Variants in TASP1 observed in about 807,000 individuals in gnomAD.
The protein encoded by TASP1 is taspase 1, also known as threonine aspartase 1.
TASP1 carries 16 observed loss-of-function variants against 56.6 expected under a neutral mutation model. The observed-to-expected ratio is 0.28, with a 90% CI of 0.19 to 0.43. The LOEUF is 0.43. Among genes scored for constraint, TASP1 ranks in the 20% least tolerant of loss-of-function variants. TASP1 has a pLI of 1.00. For synonymous variants in TASP1, 179 were observed against 184.2 expected (o/e 0.97, Z 0.23); for missense variants, 393 against 511.6 (o/e 0.77, Z 2.24).
At chr20:13,525,062 G>C (rs1264312485) in intron 10 of TASP1, among the ~76,000 whole-genome samples, 1 of 152,126 alleles carries the variant, frequency 6.6e-6, no homozygotes, top group African/African-American at 2.4e-5. Flanking sequence ...CATGCATTAA[G>C]TGATGAGAAG....
intron 10 of TASP1, among the ~76,000 whole-genome samples, chr20:13,484,818 A>C (rs2043266290): frequency 6.6e-6 from 1 of 152,056 alleles, no homozygotes; most frequent in Non-Finnish European, 1.5e-5. Context: ...GGATGAGTTC[A>C]TGTCCTTTGC....
the TASP1 span, among the ~76,000 whole-genome samples, chr20:13,335,322 A>G: frequency 2.4e-5 from 3 of 126,158 alleles, no homozygotes; most frequent in Admixed American, 2.6e-4. Flanking sequence ...CCCCTCACCT[A>G]TGCACACACA....
chr20:13,419,864 C>T (rs79327637), intron 12 of TASP1, among the ~76,000 whole-genome samples: 2,704 of 152,300 alleles, frequency 0.018, 76 homozygotes, highest in African/African-American at 0.059. Context: ...GGAAAAGTGT[C>T]ACGCAATGAA....
Position 13,588,346 on chromosome 20 carries a change from A to AAGGT in TASP1, c.283-980_283-977dup, listed in dbSNP as rs1398519758. 6.3e-3 allele frequency among the ~76,000 whole-genome samples: 909 copies of AAGGT among 143,208 alleles called. 8 individuals carry two copies. Among genetic ancestry groups the AAGGT allele is most frequent in the Non-Finnish European group, 8.4e-3 (555 of 66,178 alleles). The allele number at this position is 143,208 out of a possible 152,430, so 94.0% of individuals were successfully genotyped here. The stretch of plus-strand genomic sequence containing the variant: ...GAAGGAAGGAAGGAAGGAAGGAAGG[A>AAGGT]AGGTAGGTAGGTAGGTCTAGATTGG... On this transcript the variant is annotated intron_variant, in intron 4 of 13. Transcript: ENST00000337743.
At chr20:13,410,637 G>A (rs1216781860) in intron 13 of TASP1, among the ~76,000 whole-genome samples, 1 of 152,136 alleles carries the variant, frequency 6.6e-6, no homozygotes, top group African/African-American at 2.4e-5. Context: ...CTTTTGAGAG[G>A]TATCTACTCA....
intron 10 of TASP1, among the ~76,000 whole-genome samples, chr20:13,490,913 G>C (rs1435271328): frequency 6.6e-6 from 1 of 152,126 alleles, no homozygotes; most frequent in Non-Finnish European, 1.5e-5. Flanking sequence ...GTTGACCATA[G>C]AGTAAGCACT....
At chr20:13,293,195 G>C in the TASP1 span, among the ~76,000 whole-genome samples, 304 of 141,506 alleles carry the variant, frequency 2.1e-3, 1 homozygote, top group Middle Eastern at 8.3e-3. Flanking sequence ...GTGACAGAGC[G>C]AGACTCCGTC....
At chr20:13,548,466 T>C (rs1164935396) in intron 8 of TASP1, among the ~76,000 whole-genome samples, 1 of 152,050 alleles carries the variant, frequency 6.6e-6, no homozygotes, top group Non-Finnish European at 1.5e-5. Context: ...GAAAAATACA[T>C]ATAGATTCAT....
At chr20:13,439,596 T>C (rs1020555842) in intron 11 of TASP1, among the ~76,000 whole-genome samples, 1 of 152,256 alleles carries the variant, frequency 6.6e-6, no homozygotes, top group South Asian at 2.1e-4. Context: ...ACATGGCACA[T>C]GTATACATAT....
chr20:13,466,199 A>T (rs907604102), intron 11 of TASP1, among the ~76,000 whole-genome samples: 11 of 146,062 alleles, frequency 7.5e-5, no homozygotes, highest in East Asian at 1.9e-4. Flanking sequence ...AAGTTTAATT[A>T]AAAAAAAACC....
the TASP1 span, among the ~76,000 whole-genome samples, chr20:13,361,981 C>G: frequency 6.6e-6 from 1 of 151,138 alleles, no homozygotes. Context: ...CATCCAAAAC[C>G]GTATCCAGGC....
intron 10 of TASP1, among the ~76,000 whole-genome samples, chr20:13,524,896 G>A (rs2044912806): frequency 6.6e-6 from 1 of 152,186 alleles, no homozygotes; most frequent in Non-Finnish European, 1.5e-5. Flanking sequence ...AATGTGTTCA[G>A]AAGGATTACG....
At chr20:13,483,856 T>A (rs1332848949) in intron 10 of TASP1, among the ~76,000 whole-genome samples, 1 of 152,074 alleles carries the variant, frequency 6.6e-6, no homozygotes, top group Non-Finnish European at 1.5e-5. Flanking sequence ...GAAACTACCA[T>A]CAGAGTGAAC....
intron 12 of TASP1, among the ~76,000 whole-genome samples, chr20:13,433,850 A>AAAAAAAAC (rs1048137630): frequency 3.3e-5 from 5 of 151,544 alleles, no homozygotes; most frequent in African/African-American, 1.2e-4. Flanking sequence ...TTAAAAAAAA[A>AAAAAAAAC]AAAAAAAAAA....
At chr20:13,625,425 C>T (rs767195868) in intron 2 of TASP1, among the ~76,000 whole-genome samples, 173 bp from the exon 3 acceptor site, 1 of 152,162 alleles carries the variant, frequency 6.6e-6, no homozygotes, top group Non-Finnish European at 1.5e-5. Context: ...AATACCATGC[C>T]TTATCTCCGT....
the TASP1 span, chr20:13,117,816 T>A: frequency 8.1e-7 from 1 of 1,229,410 alleles, no homozygotes; most frequent in Non-Finnish European, 1.1e-6. Context: ...AAAGCTTCAA[T>A]TCAGTTCACC....
the TASP1 span, among the ~76,000 whole-genome samples, chr20:13,243,397 T>A: frequency 6.6e-6 from 1 of 152,266 alleles, no homozygotes; most frequent in South Asian, 2.1e-4. Flanking sequence ...GGAAATGTAT[T>A]CCCTGATAAG....
intron 13 of TASP1, among the ~76,000 whole-genome samples, chr20:13,406,007 C>T (rs2041905739): frequency 6.6e-6 from 1 of 152,232 alleles, no homozygotes; most frequent in Non-Finnish European, 1.5e-5. Flanking sequence ...GGTATTCCTG[C>T]TGATTCCAAA....
At chr20:13,173,592 T>C in the TASP1 span, among the ~76,000 whole-genome samples, 2 of 152,190 alleles carry the variant, frequency 1.3e-5, no homozygotes, top group African/African-American at 4.8e-5. Context: ...TGGTTGTCCA[T>C]CTGCTGTCCT....
Sources: allele counts gnomAD v4.1 joint callset (sites outside exome capture counted in the v4.1 genomes callset), GRCh38; gene constraint gnomAD v4.1.1; transcripts MANE v1.5; gene names NCBI Gene and HGNC (gene_info 2026-07-23, HGNC 2026-07-21).